TMEM132D: variants seen among roughly 807,000 people sequenced by gnomAD.
TMEM132D encodes mature OL transmembrane protein.
A neutral mutation model predicts 62.3 loss-of-function variants in TMEM132D; 21 were observed. That is an observed-to-expected ratio of 0.34 (90% confidence interval 0.24 to 0.49). The LOEUF (loss-of-function observed/expected upper bound fraction) is 0.49, where lower values mean the gene tolerates loss of function less well. Among genes scored for constraint, TMEM132D ranks in the 20% least tolerant of loss-of-function variants. The pLI, the probability that TMEM132D is intolerant of heterozygous loss-of-function variation, is 0.99. For missense variants in TMEM132D, 1,346 were observed against 1,402.8 expected, an observed-to-expected ratio of 0.96 and a Z score of 0.65; for synonymous variants, 621 against 575.6, an observed-to-expected ratio of 1.08 and a Z score of -1.13.
intron 3 of TMEM132D, among the ~76,000 whole-genome samples, chr12:129,485,632 T>C (rs931863636): frequency 4.6e-5 from 7 of 152,170 alleles, no homozygotes; most frequent in African/African-American, 1.7e-4. Context: ...AGGTGGCAGC[T>C]GTTTGCAGAG....
intron 4 of TMEM132D, among the ~76,000 whole-genome samples, chr12:129,301,629 C>A (rs996697485): frequency 2.6e-5 from 4 of 152,166 alleles, no homozygotes. Context: ...ACAGCTGCAA[C>A]CATGAGCGCA....
At chr12:129,684,759 C>A (rs1201422570) in intron 2 of TMEM132D, among the ~76,000 whole-genome samples, 1 of 151,884 alleles carries the variant, frequency 6.6e-6, no homozygotes, top group Non-Finnish European at 1.5e-5. Context: ...TGCCTTTGAC[C>A]AAAATGCTGA....
chr12:129,231,074 T>C (rs1345465812), intron 4 of TMEM132D, among the ~76,000 whole-genome samples: 1 of 152,226 alleles, frequency 6.6e-6, no homozygotes, highest in African/African-American at 2.4e-5. Flanking sequence ...TCCTCCCTTT[T>C]CTCTTGCTGT....
intron 5 of TMEM132D, among the ~76,000 whole-genome samples, chr12:129,095,732 C>A (rs1459247643): frequency 4.6e-5 from 7 of 152,068 alleles, no homozygotes; most frequent in Admixed American, 4.6e-4. Flanking sequence ...GGGGAACGGT[C>A]ATGGGAGAAC....
chr12:129,684,978 G>T (rs752704707), intron 2 of TMEM132D, among the ~76,000 whole-genome samples: 1 of 152,142 alleles, frequency 6.6e-6, no homozygotes, highest in Non-Finnish European at 1.5e-5. Context: ...GTGTTCAAGA[G>T]GTGACTTGAG....
At chr12:129,881,729 T>C (rs60072033) in intron 1 of TMEM132D, among the ~76,000 whole-genome samples, 14,086 of 150,788 alleles carry the variant, frequency 0.093, 2,190 homozygotes, top group African/African-American at 0.32. Context: ...CATAAAGGAG[T>C]AAGATAAAGA....
chr12:129,727,077 C>T (rs1869062066), intron 1 of TMEM132D, among the ~76,000 whole-genome samples: 1 of 152,164 alleles, frequency 6.6e-6, no homozygotes, highest in African/African-American at 2.4e-5. Context: ...GGACAGACAC[C>T]CATGAATTAG....
chr12:129,520,723 T>C (rs1022814762), intron 3 of TMEM132D, among the ~76,000 whole-genome samples: 10 of 152,362 alleles, frequency 6.6e-5, no homozygotes, highest in Admixed American at 6.5e-4. Flanking sequence ...AAGCTGTACA[T>C]GTTGAGATCA....
chr12:129,698,382 C>A (rs1881256838), intron 2 of TMEM132D, among the ~76,000 whole-genome samples: 1 of 151,304 alleles, frequency 6.6e-6, no homozygotes. Flanking sequence ...GATGCATGTC[C>A]ATTAGGTTCT....
chr12:129,855,133 A>G lies in TMEM132D; in HGVS notation c.79+48128T>C, dbSNP rs71466423. Among the ~76,000 whole-genome samples the G allele has an allele frequency of 4.6e-3, 466 of 101,804 alleles. 2 individuals are homozygous for G. Among genetic ancestry groups the G allele is most frequent in the South Asian group, 5.8e-3 (15 of 2,574 alleles). 66.8% of individuals were successfully genotyped at this position (101,804 alleles called of 152,430 possible). A position where few individuals can be genotyped will look rare whatever the true frequency, so the allele number is the denominator to read the frequency against. ...GGAACGGGATGGCTGCCCTTGTAACAGAGTCCGGGGGAACGGGATGGGTGC... is the reference window on the plus strand; with the variant it reads ...GGAACGGGATGGCTGCCCTTGTAACGGAGTCCGGGGGAACGGGATGGGTGC... On this transcript the variant is annotated intron_variant, in intron 1 of 8. Coordinates refer to ENST00000422113, the MANE Select transcript of TMEM132D (RefSeq NM_133448.3).
intron 5 of TMEM132D, among the ~76,000 whole-genome samples, chr12:129,104,180 G>C (rs1875409799): frequency 1.3e-5 from 2 of 150,860 alleles, no homozygotes. Flanking sequence ...CATGGTACTG[G>C]TACCAAAACA....
intron 1 of TMEM132D, among the ~76,000 whole-genome samples, chr12:129,755,729 G>A (rs991153732): frequency 6.6e-6 from 1 of 152,194 alleles, no homozygotes; most frequent in Non-Finnish European, 1.5e-5. Context: ...AGACTTTAGA[G>A]AGCATACTCT....
intron 5 of TMEM132D, among the ~76,000 whole-genome samples, chr12:129,202,487 G>T (rs137965854): frequency 6.6e-6 from 1 of 152,036 alleles, no homozygotes; most frequent in Non-Finnish European, 1.5e-5. Flanking sequence ...TTCATTTTTC[G>T]TTGCACCCTC....
At chr12:129,399,892 T>TG (rs199833520) in intron 3 of TMEM132D, among the ~76,000 whole-genome samples, 3,475 of 151,418 alleles carry the variant, frequency 0.023, 135 homozygotes, top group African/African-American at 0.08. Context: ...TGTGTGTGTG[T>TG]GTGGGGGGGT....
intron 3 of TMEM132D, among the ~76,000 whole-genome samples, chr12:129,509,999 C>T (rs548240227): frequency 6.6e-6 from 1 of 152,140 alleles, no homozygotes; most frequent in African/African-American, 2.4e-5. Context: ...AATAGGATTG[C>T]TGGGTCTTAT....
At chr12:129,118,787 A>G (rs941346041) in intron 5 of TMEM132D, among the ~76,000 whole-genome samples, 3 of 152,322 alleles carry the variant, frequency 2.0e-5, no homozygotes, top group African/African-American at 7.2e-5. Flanking sequence ...CCTTTGCTGT[A>G]AGAGTGTTGG....
chr12:129,731,116 T>C (rs1228069024), intron 1 of TMEM132D, among the ~76,000 whole-genome samples: 2 of 152,008 alleles, frequency 1.3e-5, no homozygotes, highest in Non-Finnish European at 2.9e-5. Context: ...TTTCAATTGG[T>C]TTAGAGCTTT....
chr12:129,183,067 C>G (rs564528322), intron 5 of TMEM132D, among the ~76,000 whole-genome samples: 1 of 152,200 alleles, frequency 6.6e-6, no homozygotes, highest in African/African-American at 2.4e-5. Flanking sequence ...GCTCCAAGAA[C>G]AAGCCCCAGT....
intron 5 of TMEM132D, among the ~76,000 whole-genome samples, chr12:129,169,515 A>G (rs1053449020): frequency 6.6e-6 from 1 of 152,218 alleles, no homozygotes. Flanking sequence ...GTCATGCAGA[A>G]TGGATGATAA....
Sources: allele counts gnomAD v4.1 joint callset (sites outside exome capture counted in the v4.1 genomes callset), GRCh38; gene constraint gnomAD v4.1.1; transcripts MANE v1.5; gene names NCBI Gene and HGNC (gene_info 2026-07-23, HGNC 2026-07-21).